The following MME variants were observed in gnomAD, a reference collection of about 807,000 sequenced individuals.
MME encodes neprilysin.
In MME, 98 loss-of-function variants were observed where a neutral mutation model predicts 113.2. The observed-to-expected ratio is 0.87, with a 90% CI of 0.74 to 1.02. MME has a LOEUF of 1.02. MME is among the 50% of genes least tolerant of loss of function. The pLI is 0.00. For missense variants in MME, 836 were observed against 896.0 expected (o/e 0.93, Z 0.86); for synonymous variants, 292 against 300.6 (o/e 0.97, Z 0.30).
intron 1 of MME, among the ~76,000 whole-genome samples, chr3:155,082,283 A>C (rs542016425): frequency 6.6e-6 from 1 of 152,320 alleles, no homozygotes; most frequent in South Asian, 2.1e-4. Flanking sequence ...TTATACCAGT[A>C]AAACATTTCT....
chr3:155,127,677 T>C (rs1576619748), intron 8 of MME, among the ~76,000 whole-genome samples: 1 of 152,232 alleles, frequency 6.6e-6, no homozygotes, highest in African/African-American at 2.4e-5. Flanking sequence ...ACTGTATTTG[T>C]GATCAAATAA....
At chr3:155,157,447 C>A (rs978733751) in intron 16 of MME, among the ~76,000 whole-genome samples, 3 of 152,144 alleles carry the variant, frequency 2.0e-5, no homozygotes, top group Non-Finnish European at 2.9e-5. Flanking sequence ...ACCACCATTT[C>A]ACTTTCTCTT....
intron 20 of MME, among the ~76,000 whole-genome samples, chr3:155,169,209 G>A (rs1711640185): frequency 6.6e-6 from 1 of 152,146 alleles, no homozygotes; most frequent in Non-Finnish European, 1.5e-5. Flanking sequence ...AGGTGAAGTA[G>A]CATTTGGGAA....
rs534075521 is a variant in MME, at chr3:155,045,047, A to T, written c.-11+20723A>T. On this transcript the variant is annotated intron_variant, in intron 1 of 22. Coordinates refer to the MME transcript ENST00000492661. ...CTGAGATACTTTAAATCGGGTTGGA[A>T]TTATCCATGAATTATCATTGTCCAT... Among the ~76,000 whole-genome samples, 8 of 152,188 alleles carry T rather than the reference A, an allele frequency of 5.3e-5. No individual in the cohort carries two copies. In the South Asian group the frequency reaches 1.7e-3, roughly 32 times the overall value.
At chr3:155,039,307 G>A (rs1713228314) in intron 1 of MME, among the ~76,000 whole-genome samples, 1 of 152,198 alleles carries the variant, frequency 6.6e-6, no homozygotes, top group Admixed American at 6.5e-5. Flanking sequence ...CATCAGTTGA[G>A]AGTGAAGAGA....
intron 3 of MME, among the ~76,000 whole-genome samples, chr3:155,091,185 T>C (rs1052658319): frequency 1.6e-4 from 24 of 152,214 alleles, no homozygotes; most frequent in African/African-American, 5.5e-4. Flanking sequence ...CATGTGGCAA[T>C]TTGCTTTGTG....
In MME at chr3:155,118,669, G is replaced by C. The variant is rs1482185962; in HGVS notation, c.655-77G>C. ...AAGAGTAGGATCTTTCACATACATA[G>C]ATAGACATGCTTGTATTTTTCAAAC... On this transcript the variant is annotated intron_variant, in intron 7 of 22. Transcript: ENST00000360490. 3 of 932,002 alleles carry C rather than the reference G, an allele frequency of 3.2e-6. No homozygotes were observed. In the East Asian group the frequency reaches 7.9e-5, roughly 24 times the overall value. The allele number at this position is 932,002 out of a possible 1,614,324, so 57.7% of individuals were successfully genotyped here. A position where few individuals can be genotyped will look rare whatever the true frequency, so the allele number is the denominator to read the frequency against.
Position 155,125,026 on chromosome 3 carries a change from C to T in MME, c.720+6215C>T, listed in dbSNP as rs541237902. ...GGCGCCCCTCCCCCAGCCTCGCTGC[C>T]GCCTTGCAGTTTGATCTCAGACTGC... On this transcript the variant is annotated intron_variant, in intron 8 of 22. Transcript: ENST00000360490. Among the ~76,000 whole-genome samples the T allele has an allele frequency of 3.5e-4, 53 of 151,826 alleles. 1 individual carries two copies. In the East Asian group the frequency reaches 7.6e-3, roughly 22 times the overall value.
At chr3:155,054,716 C>G (rs985408819) in intron 1 of MME, among the ~76,000 whole-genome samples, 5 of 152,188 alleles carry the variant, frequency 3.3e-5, no homozygotes, top group African/African-American at 1.2e-4. Flanking sequence ...ACTCAGAAGG[C>G]TGAGGCTGGA....
chr3:155,180,215 G>T, intron 22 of MME, 145 bp from the exon 23 acceptor site: 1 of 727,624 alleles, frequency 1.4e-6, no homozygotes. Context: ...AGAAGGCACT[G>T]ACTCATTGTA....
chr3:155,166,775 A>C, intron 17 of MME, 127 bp from the exon 18 acceptor site: 1 of 1,207,378 alleles, frequency 8.3e-7, no homozygotes, highest in Non-Finnish European at 1.2e-6. Flanking sequence ...GCCATCACTG[A>C]ATAATGCCAT....
intron 14 of MME, among the ~76,000 whole-genome samples, chr3:155,144,855 T>G (rs1721387390): frequency 6.6e-6 from 1 of 152,144 alleles, no homozygotes; most frequent in Admixed American, 6.5e-5. Flanking sequence ...TCAGGAAATC[T>G]TAGGTTTAAA....
intron 1 of MME, among the ~76,000 whole-genome samples, chr3:155,063,461 TAATA>T (rs1239508824): frequency 9.0e-6 from 1 of 111,390 alleles, no homozygotes; most frequent in African/African-American, 3.8e-5. Context: ...TATATTTATT[TAATA>T]AATATATTTT....
At chr3:155,089,845 C>T (rs1042826699) in intron 3 of MME, 8 of 452,830 alleles carry the variant, frequency 1.8e-5, no homozygotes, top group East Asian at 7.0e-5. Flanking sequence ...CATGGTAGCA[C>T]GCGCCTATAA....
At chr3:155,063,965 A>G (rs1714297879) in intron 1 of MME, among the ~76,000 whole-genome samples, 4 of 150,214 alleles carry the variant, frequency 2.7e-5, no homozygotes, top group Admixed American at 2.6e-4. Flanking sequence ...TATGGGTGGT[A>G]GTTTAATCTG....
chr3:155,142,440 AATGCCAAAGTTCGT>A, intron 12 of MME, 110 bp downstream of exon 12: 1 of 857,000 alleles, frequency 1.2e-6, no homozygotes. Flanking sequence ...AAAGGGACAA[AATGCCAAAGTTCGT>A]TATCTTGCAC....
At chr3:155,175,822 G>A (rs150935432) in intron 22 of MME, among the ~76,000 whole-genome samples, 88 of 152,150 alleles carry the variant, frequency 5.8e-4, no homozygotes, top group African/African-American at 1.9e-3. Context: ...AATTTAGCAT[G>A]CTAATAAGCC....
In MME at chr3:155,067,893, T is replaced by C. The variant is rs147998268; in HGVS notation, c.-10-16265T>C. Among the ~76,000 whole-genome samples the C allele has an allele frequency of 4.9e-4, 75 of 152,250 alleles. No individual in the cohort carries two copies. In the East Asian group the frequency reaches 0.01, roughly 21 times the overall value. The stretch of plus-strand genomic sequence containing the variant: ...GGCAGTTTGTTAAATAGTTAAACAT[T>C]ACTGCCACAGGATTCGGCTATTGCA... On this transcript the variant is annotated intron_variant, in intron 1 of 22. Coordinates refer to the MME transcript ENST00000492661.
At chr3:155,119,405 G>A (rs1041554010) in intron 8 of MME, among the ~76,000 whole-genome samples, 39 of 135,674 alleles carry the variant, frequency 2.9e-4, no homozygotes, top group African/African-American at 1.0e-3. Context: ...TGATGTTCAC[G>A]TGCTCTTTTT....
Sources: gnomAD v4.1 joint callset for allele counts (sites outside exome capture counted in the v4.1 genomes callset) on GRCh38, gnomAD v4.1.1 for gene constraint, MANE v1.5 for transcripts, NCBI Gene and HGNC (gene_info 2026-07-23, HGNC 2026-07-21) for gene names.